IFNLR1: variants seen among roughly 807,000 people sequenced by gnomAD.
The protein encoded by IFNLR1 is CRF2-12.
In IFNLR1, 28 loss-of-function variants were observed where a neutral mutation model predicts 52.5. The ratio of observed to expected loss-of-function variants is 0.53; its 90% CI spans 0.40 to 0.73. The LOEUF is 0.73. IFNLR1 is among the 30% of genes least tolerant of loss of function. The pLI, the probability that IFNLR1 is intolerant of heterozygous loss-of-function variation, is 0.00. For synonymous variants in IFNLR1, 276 were observed against 274.9 expected, an observed-to-expected ratio of 1.00 and a Z score of -0.04; for missense variants, 623 against 659.1, an observed-to-expected ratio of 0.95 and a Z score of 0.60.
At position 24,159,726 on chromosome 1, in the gene IFNLR1, G is replaced by GT. The variant is rs6143167; in HGVS notation, c.511-94dup. 9.7e-4 allele frequency: 736 copies of GT among 762,366 alleles called. 8 individuals carry two copies. The highest frequency in any genetic ancestry group is 9.3e-3 in the African/African-American group (486 of 52,386). 47.2% of individuals were successfully genotyped at this position (762,366 alleles called of 1,614,324 possible). On this transcript the variant is annotated intron_variant, in intron 4 of 6. Coordinates refer to ENST00000327535, the MANE Select transcript of IFNLR1 (RefSeq NM_170743.4). The stretch of plus-strand genomic sequence containing the variant: ...GTGGGGTTGGCAGACATGGTAGGGT[G>GT]TTTTTTTTTTGTTTTTTTTTTTTGT...
At chr1:24,169,268 C>G in intron 3 of IFNLR1, 149 bp downstream of exon 3, 1 of 691,804 alleles carries the variant, frequency 1.4e-6, no homozygotes, top group East Asian at 2.7e-5. Flanking sequence ...GGTCCCACAC[C>G]CCATCTCAAA....
chr1:24,185,437 A>G (rs1288523959), intron 1 of IFNLR1, among the ~76,000 whole-genome samples: 2 of 152,220 alleles, frequency 1.3e-5, no homozygotes, highest in Non-Finnish European at 2.9e-5. Flanking sequence ...TCCCATGGAG[A>G]ATTCAGGGTC....
At chr1:24,177,704 G>A (rs921786213) in intron 2 of IFNLR1, among the ~76,000 whole-genome samples, 20 of 152,136 alleles carry the variant, frequency 1.3e-4, no homozygotes, top group Admixed American at 1.3e-3. Flanking sequence ...AGCCATCTAG[G>A]CATCCTTCAA....
chr1:24,182,132 C>T (rs542563769), intron 1 of IFNLR1, among the ~76,000 whole-genome samples: 42 of 150,268 alleles, frequency 2.8e-4, no homozygotes, highest in Admixed American at 1.7e-3. Context: ...CCCAGGAGGA[C>T]GAGGTTGCAG....
chr1:24,185,242 C>T (rs1368761201), intron 1 of IFNLR1, among the ~76,000 whole-genome samples: 2 of 152,096 alleles, frequency 1.3e-5, no homozygotes, highest in Non-Finnish European at 2.9e-5. Flanking sequence ...CAGGCCTAGC[C>T]AACTCCAAAG....
At position 24,159,529 on chromosome 1, in the gene IFNLR1, A is replaced by G; in HGVS notation, c.615T>C (p.Ser205=). The part of the protein sequence containing the change: ...CLSARTIYTF[S]VPKYSKFSKP... ...TAGAGAACTTGCTGTATTTCGGGACACTGAACGTGTAGATGGTTCTGGCAC... is the reference window on the plus strand; with the variant it reads ...TAGAGAACTTGCTGTATTTCGGGACGCTGAACGTGTAGATGGTTCTGGCAC... The change falls in exon 5 of 7, where the codon AGT becomes AGC. Residue 205 remains serine (S), a synonymous_variant. Coordinates refer to ENST00000327535, the MANE Select transcript of IFNLR1 (RefSeq NM_170743.4). 3 of 1,614,164 alleles carry G rather than the reference A, an allele frequency of 1.9e-6. No individual in the cohort carries two copies. The highest frequency in any genetic ancestry group is 2.5e-6 in the Non-Finnish European group (3 of 1,180,016).
Position 24,156,173 on chromosome 1 carries a change from C to T in IFNLR1, c.*957G>A, listed in dbSNP as rs1470873194. 6.6e-6 allele frequency: 1 copy of T among 152,164 alleles called. No homozygotes were observed. Among genetic ancestry groups the T allele is most frequent in the African/African-American group, 2.4e-5 (1 of 41,436 alleles). 9.4% of individuals were successfully genotyped at this position (152,164 alleles called of 1,614,324 possible). ...GACCAGGGTCCCCTTGGGTGGGGCT[C>T]TGGCTTCTGAGAGCTCACTCTCCTG... is the stretch of plus-strand genomic sequence containing the variant. On this transcript the variant is annotated 3_prime_UTR_variant, in exon 7 of 7. Transcript: ENST00000327535.
intron 3 of IFNLR1, among the ~76,000 whole-genome samples, chr1:24,162,878 TCCTTCCTTCCTTCCTTCCTTC>T (rs1644475062): frequency 1.7e-5 from 1 of 59,828 alleles, no homozygotes; most frequent in Non-Finnish European, 3.3e-5. Flanking sequence ...TTTCTTTCTT[TCCTTCCTTCCTTCCTTCCTTC>T]CTTCCTTCCT....
rs548906335 is a variant in IFNLR1, at chr1:24,156,039, G to A, written c.*1091C>T. ...ACTGGGATTACAGGCCCAGAAGTCC[G>A]ATTCCTGCCATGTTACTGTCCTACT... On this transcript the variant is annotated 3_prime_UTR_variant, in exon 7 of 7. Transcript: ENST00000327535. 6.6e-5 allele frequency: 10 copies of A among 152,318 alleles called. No individual in the cohort carries two copies. The highest frequency in any genetic ancestry group is 1.9e-4 in the African/African-American group (8 of 41,554). 9.4% of individuals were successfully genotyped at this position (152,318 alleles called of 1,614,324 possible).
Position 24,157,122 on chromosome 1 carries a change from G to A in IFNLR1, c.*8C>T, listed in dbSNP as rs866362899. On this transcript the variant is annotated 3_prime_UTR_variant, in exon 7 of 7. Transcript: ENST00000327535. The surrounding 1 kb of genome is among the most constrained non-coding windows in gnomAD (Gnocchi z 5.1). The stretch of plus-strand genomic sequence containing the variant: ...AGCATCAGATTCGGTGGGATGTCGG[G>A]GGACAGCTCACCTGGCCATGTAATG... The A allele has an allele frequency of 6.3e-7, 1 of 1,598,062 alleles. No individual in the cohort carries two copies. Among genetic ancestry groups the A allele is most frequent in the Non-Finnish European group, 8.5e-7 (1 of 1,173,048 alleles).
intron 3 of IFNLR1, among the ~76,000 whole-genome samples, chr1:24,162,878 TC>T (rs1449389389): frequency 0.021 from 1,226 of 59,672 alleles, 34 homozygotes; most frequent in East Asian, 0.11. Context: ...TTTCTTTCTT[TC>T]CTTCCTTCCT....
chr1:24,169,795 G>A (rs929489122), intron 2 of IFNLR1, among the ~76,000 whole-genome samples, 194 bp from the exon 3 acceptor site: 1 of 152,204 alleles, frequency 6.6e-6, no homozygotes, highest in Non-Finnish European at 1.5e-5. Context: ...CCAGATGGAT[G>A]GGAGTGGGAA....
intron 3 of IFNLR1, among the ~76,000 whole-genome samples, chr1:24,163,477 A>T (rs1488171509): frequency 6.6e-6 from 1 of 152,172 alleles, no homozygotes; most frequent in Admixed American, 6.5e-5. Flanking sequence ...CTGACATCTA[A>T]CATATTCTTA....
chr1:24,167,081 G>A (rs1395733199), intron 3 of IFNLR1, among the ~76,000 whole-genome samples: 1 of 152,216 alleles, frequency 6.6e-6, no homozygotes, highest in Non-Finnish European at 1.5e-5. Flanking sequence ...AAAAATGGAG[G>A]AGGAATGGCA....
At position 24,168,846 on chromosome 1, in the gene IFNLR1, C is replaced by T. The variant is rs563524810; in HGVS notation, c.367+571G>A. Among the ~76,000 whole-genome samples the T allele has an allele frequency of 1.6e-4, 25 of 152,222 alleles. No individual in the cohort carries two copies. The South Asian group carries it at 2.1e-3, about 13-fold the overall frequency. The stretch of plus-strand genomic sequence containing the variant: ...GCAACCTCCGCCTCCTGGGTTCAAG[C>T]GATTCTCCTGCCTCAGCCTCCCGAG... On this transcript the variant is annotated intron_variant, in intron 3 of 6. Transcript: ENST00000327535.
intron 4 of IFNLR1, among the ~76,000 whole-genome samples, chr1:24,160,975 C>A (rs1490710099): frequency 6.6e-6 from 1 of 152,032 alleles, no homozygotes; most frequent in African/African-American, 2.4e-5. Flanking sequence ...CCTCCCACCA[C>A]CTCGGCCTCC....
At position 24,161,665 on chromosome 1, in the gene IFNLR1, G is replaced by A; in HGVS notation, c.387C>T (p.Val129=). 6.6e-7 allele frequency: 1 copy of A among 1,518,646 alleles called. No individual in the cohort carries two copies. Among genetic ancestry groups the A allele is most frequent in the Non-Finnish European group, 8.9e-7 (1 of 1,128,122 alleles). The allele number at this position is 1,518,646 out of a possible 1,614,324, so 94.1% of individuals were successfully genotyped here. A position where few individuals can be genotyped will look rare whatever the true frequency, so the allele number is the denominator to read the frequency against. ...YLFEVEPAPP[V]LVLTQTEEIL... ...TCTCCTCCGTCTGGGTGAGCACCAG[G>A]ACAGGTGGGGCCGGCTCCACTGCAG... Residue 129 remains valine, a synonymous_variant, in exon 4 of 7, where the codon GTC becomes GTT. Coordinates refer to ENST00000327535, the MANE Select transcript of IFNLR1 (RefSeq NM_170743.4).
At chr1:24,158,831 C>T (rs1245864578) in intron 6 of IFNLR1, among the ~76,000 whole-genome samples, 1 of 152,210 alleles carries the variant, frequency 6.6e-6, no homozygotes, top group Admixed American at 6.5e-5. Flanking sequence ...TTATTTATCT[C>T]AAAGGAACTT....
At position 24,169,580 on chromosome 1, in the gene IFNLR1, C is replaced by T. The variant is rs748693573; in HGVS notation, c.204G>A (p.Trp68Ter). The change falls in exon 3 of 7, where the codon TGG becomes TGA. Residue 68 changes from tryptophan to a stop codon, truncating the protein, a stop_gained. Coordinates refer to ENST00000327535, the MANE Select transcript of IFNLR1 (RefSeq NM_170743.4). LOFTEE classifies it high-confidence loss of function. ...AYQSSPTRRRWREVEECAGTK... is the reference protein window; with the variant it reads ...AYQSSPTRRR ...TTCCCGCACACTCTTCCACTTCGCGCCACCGTCTACGGGTGGGAGAGCTGG... is the reference window on the plus strand; with the variant it reads ...TTCCCGCACACTCTTCCACTTCGCGTCACCGTCTACGGGTGGGAGAGCTGG... 6.2e-7 allele frequency: 1 copy of T among 1,613,602 alleles called. No individual in the cohort carries two copies. Among genetic ancestry groups the T allele is most frequent in the Non-Finnish European group, 8.5e-7 (1 of 1,179,778 alleles).
Sources: allele counts gnomAD v4.1 joint callset (sites outside exome capture counted in the v4.1 genomes callset), GRCh38; gene constraint gnomAD v4.1.1; non-coding constraint Gnocchi (gnomAD v3.1); transcripts MANE v1.5; gene names NCBI Gene and HGNC (gene_info 2026-07-23, HGNC 2026-07-21).